TRAPPC9: variants seen among roughly 807,000 people sequenced by gnomAD.
TRAPPC9 encodes the protein IKK2 binding protein.
TRAPPC9 carries 83 observed loss-of-function variants against 124.0 expected under a neutral mutation model. The ratio of observed to expected loss-of-function variants is 0.67; its 90% CI spans 0.56 to 0.80. The LOEUF (loss-of-function observed/expected upper bound fraction) is 0.80, where lower values mean the gene tolerates loss of function less well. Among genes scored for constraint, TRAPPC9 ranks in the 30% least tolerant of loss-of-function variants. TRAPPC9 has a pLI of 0.00. For missense variants in TRAPPC9, 1,302 were observed against 1,508.3 expected, an observed-to-expected ratio of 0.86 and a Z score of 2.27; for synonymous variants, 638 against 617.5, an observed-to-expected ratio of 1.03 and a Z score of -0.49.
chr8:140,388,070 G>T (rs1238290289), intron 7 of TRAPPC9, among the ~76,000 whole-genome samples: 1 of 151,784 alleles, frequency 6.6e-6, no homozygotes, highest in African/African-American at 2.4e-5. Flanking sequence ...CATGTCCTTT[G>T]TAGGGACATG....
At chr8:140,196,057 TTCACA>T (rs1376884067) in intron 17 of TRAPPC9, among the ~76,000 whole-genome samples, 1 of 54,698 alleles carries the variant, frequency 1.8e-5, no homozygotes, top group African/African-American at 8.2e-5. Context: ...CATTGAACAA[TTCACA>T]TACAGACCAC....
intron 17 of TRAPPC9, among the ~76,000 whole-genome samples, chr8:140,172,626 C>CGCAGCA (rs964943747): frequency 1.3e-5 from 2 of 152,094 alleles, no homozygotes; most frequent in East Asian, 1.9e-4. Context: ...GAGCTACGAT[C>CGCAGCA]GCAGCAGCAG....
intron 17 of TRAPPC9, among the ~76,000 whole-genome samples, chr8:140,193,621 A>G (rs2062552071): frequency 1.3e-5 from 1 of 75,014 alleles, no homozygotes; most frequent in Admixed American, 1.7e-4. Flanking sequence ...TTGTACTTTC[A>G]GAAAAAAAAA....
chr8:139,822,632 G>GT (rs1015925916), intron 21 of TRAPPC9, among the ~76,000 whole-genome samples: 10 of 152,118 alleles, frequency 6.6e-5, no homozygotes, highest in Non-Finnish European at 1.5e-4. Context: ...GGCGGGGGGG[G>GT]GCTGCCTTGC....
chr8:139,954,092 AGC>A, intron 19 of TRAPPC9, among the ~76,000 whole-genome samples: 1 of 152,306 alleles, frequency 6.6e-6, no homozygotes, highest in South Asian at 2.1e-4. Flanking sequence ...AGTTATCTGC[AGC>A]GACAGGGAGT....
At chr8:140,329,434 C>A (rs1361137151) in intron 9 of TRAPPC9, among the ~76,000 whole-genome samples, 1 of 152,178 alleles carries the variant, frequency 6.6e-6, no homozygotes, top group African/African-American at 2.4e-5. Context: ...TCCTAGGGAG[C>A]ACATGGCATT....
At chr8:140,362,547 T>TA (rs537696254) in intron 8 of TRAPPC9, among the ~76,000 whole-genome samples, 5 of 151,588 alleles carry the variant, frequency 3.3e-5, no homozygotes, top group East Asian at 3.9e-4. Context: ...AAAATAAAAA[T>TA]AAAAAAAACA....
At chr8:140,003,061 T>C (rs1412938878) in intron 18 of TRAPPC9, among the ~76,000 whole-genome samples, 1 of 151,970 alleles carries the variant, frequency 6.6e-6, no homozygotes, top group Admixed American at 6.5e-5. Context: ...GTTAAATGAA[T>C]GAAAAAGTTA....
intron 21 of TRAPPC9, among the ~76,000 whole-genome samples, chr8:139,840,548 T>C (rs866115493): frequency 3.3e-5 from 5 of 152,114 alleles, no homozygotes; most frequent in Non-Finnish European, 5.9e-5. Flanking sequence ...TCGGCGAGGG[T>C]AGCGTGTTCC....
In TRAPPC9 at chr8:140,030,011, G is replaced by A. The variant is rs1840404397; in HGVS notation, c.2557-5932C>T. On this transcript the variant is annotated intron_variant, in intron 17 of 22. Coordinates refer to ENST00000438773, the MANE Select transcript of TRAPPC9 (RefSeq NM_001160372.4). ...TCAAAGTCATTCACCATATTAATAA[G>A]CTATTGACAGGCAACAAAAAGAAAA... Among the ~76,000 whole-genome samples, 6 of 152,222 alleles carry A rather than the reference G, an allele frequency of 3.9e-5. No individual in the cohort carries two copies. The South Asian group carries it at 1.2e-3, about 32-fold the overall frequency.
intron 17 of TRAPPC9, among the ~76,000 whole-genome samples, chr8:140,134,762 C>T (rs1016000370): frequency 6.6e-6 from 1 of 152,132 alleles, no homozygotes; most frequent in African/African-American, 2.4e-5. Flanking sequence ...ACAAATAAAT[C>T]TTCATGACCT....
At chr8:139,872,396 A>G (rs533266378) in intron 21 of TRAPPC9, among the ~76,000 whole-genome samples, 300 of 119,570 alleles carry the variant, frequency 2.5e-3, no homozygotes, top group East Asian at 0.016. Flanking sequence ...GGGTGGATGG[A>G]TGGATGGATG....
chr8:139,814,783 C>G (rs1457586073), intron 21 of TRAPPC9, among the ~76,000 whole-genome samples: 1 of 152,162 alleles, frequency 6.6e-6, no homozygotes, highest in Non-Finnish European at 1.5e-5. Flanking sequence ...GGGTTGCTAT[C>G]CTAAAAAACT....
intron 17 of TRAPPC9, among the ~76,000 whole-genome samples, chr8:140,050,269 C>T (rs901590911): frequency 6.6e-5 from 10 of 152,332 alleles, no homozygotes; most frequent in Admixed American, 6.5e-4. Flanking sequence ...TTGAACTTCC[C>T]TTTAACACTT....
intron 19 of TRAPPC9, among the ~76,000 whole-genome samples, chr8:139,940,176 A>T (rs1461943522): frequency 1.3e-5 from 2 of 152,154 alleles, no homozygotes; most frequent in African/African-American, 4.8e-5. Context: ...CCACCCTCAG[A>T]CACAAGGAGC....
At chr8:140,152,160 A>G (rs901493431) in intron 17 of TRAPPC9, among the ~76,000 whole-genome samples, 3 of 150,466 alleles carry the variant, frequency 2.0e-5, no homozygotes, top group Non-Finnish European at 2.9e-5. Context: ...CTCGGACAGC[A>G]TAGTGTCTAA....
chr8:140,379,555 G>A (rs1323531235), intron 7 of TRAPPC9, among the ~76,000 whole-genome samples: 1 of 152,132 alleles, frequency 6.6e-6, no homozygotes, highest in Non-Finnish European at 1.5e-5. Context: ...CACATTTAAG[G>A]TGAAGCAAAC....
chr8:140,421,902 G>C (rs972272747), intron 5 of TRAPPC9, among the ~76,000 whole-genome samples: 11 of 136,726 alleles, frequency 8.0e-5, no homozygotes, highest in Admixed American at 4.3e-4. Flanking sequence ...TTAACTGATA[G>C]CAATGATTCT....
At position 140,453,743 on chromosome 8, in the gene TRAPPC9, CACA is replaced by C. The variant is rs140686310; in HGVS notation, c.-10-2363_-10-2361del. 8.5e-5 allele frequency among the ~76,000 whole-genome samples: 13 copies of C among 152,266 alleles called. No individual in the cohort carries two copies. The East Asian group carries it at 1.9e-3, about 23-fold the overall frequency. ...GCCCCACTCTCTCCTGCCCTTTCCC[CACA>C]ACGATTCCCTAAAGAGTCTTTTCTG... is the stretch of plus-strand genomic sequence containing the variant. On this transcript the variant is annotated intron_variant, in intron 1 of 22. Transcript: ENST00000438773.
Sources: gnomAD v4.1 joint callset for allele counts (sites outside exome capture counted in the v4.1 genomes callset) on GRCh38, gnomAD v4.1.1 for gene constraint, MANE v1.5 for transcripts, NCBI Gene and HGNC (gene_info 2026-07-23, HGNC 2026-07-21) for gene names.